Variants in ADAMTS20 observed in about 807,000 individuals in gnomAD.
ADAMTS20 encodes the protein ADAM metallopeptidase with thrombospondin type 1 motif 20, also known as A disintegrin and metalloproteinase with thrombospondin motifs 20.
ADAMTS20 carries 225 observed loss-of-function variants against 260.1 expected under a neutral mutation model. The ratio of observed to expected loss-of-function variants is 0.87; its 90% confidence interval spans 0.78 to 0.97. The LOEUF is 0.97. ADAMTS20 is among the 50% of genes least tolerant of loss of function. The pLI is 0.00. For synonymous variants in ADAMTS20, 802 were observed against 769.5 expected, an observed-to-expected ratio of 1.04 and a Z score of -0.70; for missense variants, 2,400 against 2,337.7, an observed-to-expected ratio of 1.03 and a Z score of -0.55.
At chr12:43,495,571 C>T (rs1457049741) in intron 4 of ADAMTS20, among the ~76,000 whole-genome samples, 1 of 152,132 alleles carries the variant, frequency 6.6e-6, no homozygotes, top group Non-Finnish European at 1.5e-5. Flanking sequence ...TTAATTATCA[C>T]AGTATGTCTA....
intron 31 of ADAMTS20, among the ~76,000 whole-genome samples, chr12:43,380,644 T>G (rs874714): frequency 6.6e-6 from 1 of 151,832 alleles, no homozygotes; most frequent in Non-Finnish European, 1.5e-5. Context: ...ATGAAACTAA[T>G]AGAACAATTC....
At chr12:43,459,079 A>G (rs1426781960) in intron 11 of ADAMTS20, among the ~76,000 whole-genome samples, 1 of 152,138 alleles carries the variant, frequency 6.6e-6, no homozygotes, top group Non-Finnish European at 1.5e-5. Context: ...CTCCCTTTGT[A>G]TGGGAGCTCT....
chr12:43,418,270 T>C (rs1325752668), intron 28 of ADAMTS20, among the ~76,000 whole-genome samples: 1 of 152,200 alleles, frequency 6.6e-6, no homozygotes, highest in Non-Finnish European at 1.5e-5. Context: ...GAGAACATTT[T>C]GAAATGTTTG....
chr12:43,502,668 A>G (rs985656443), intron 3 of ADAMTS20, among the ~76,000 whole-genome samples: 50 of 152,122 alleles, frequency 3.3e-4, no homozygotes, highest in Admixed American at 3.2e-3. Flanking sequence ...TCATATTTGA[A>G]AAGGAAGGTA....
intron 2 of ADAMTS20, among the ~76,000 whole-genome samples, chr12:43,543,735 G>A (rs1413550380): frequency 1.3e-5 from 2 of 152,038 alleles, no homozygotes; most frequent in African/African-American, 4.8e-5. Context: ...ACCAATATGG[G>A]TGTTCTTTCT....
chr12:43,529,112 C>T (rs1943186369), intron 3 of ADAMTS20, among the ~76,000 whole-genome samples: 1 of 152,074 alleles, frequency 6.6e-6, no homozygotes, highest in South Asian at 2.1e-4. Flanking sequence ...TACTACCTTG[C>T]TCCTGTAAGA....
In ADAMTS20 at chr12:43,376,519, C is replaced by T. The variant is rs775028110; in HGVS notation, c.5125+5G>A. The T allele has an allele frequency of 1.2e-6, 2 of 1,610,086 alleles. No individual in the cohort carries two copies. The highest frequency in any genetic ancestry group is 1.1e-5 in the South Asian group (1 of 90,272). The stretch of plus-strand genomic sequence containing the variant: ...GGTATTAGATTTTTGAAGTCTACTA[C>T]TTACAGTCATTGGCATAACATTTCT... On this transcript the variant is annotated splice_donor_5th_base_variant and intron_variant, in intron 33 of 38. Coordinates refer to ENST00000389420, the MANE Select transcript of ADAMTS20 (RefSeq NM_025003.5).
chr12:43,363,979 A>C (rs960585640), intron 37 of ADAMTS20, among the ~76,000 whole-genome samples: 3 of 152,214 alleles, frequency 2.0e-5, no homozygotes, highest in African/African-American at 7.2e-5. Context: ...AGAGCTAAGC[A>C]TGATATCAGT....
At chr12:43,428,600 T>G in intron 25 of ADAMTS20, 35 bp downstream of exon 25, 1 of 1,473,226 alleles carries the variant, frequency 6.8e-7, no homozygotes, top group South Asian at 1.5e-5. Flanking sequence ...ATATTTAAAT[T>G]TTTCATTTTC....
At chr12:43,481,129 C>T (rs2137412785) in intron 7 of ADAMTS20, among the ~76,000 whole-genome samples, 1 of 152,108 alleles carries the variant, frequency 6.6e-6, no homozygotes, top group African/African-American at 2.4e-5. Context: ...TGGAATTCAC[C>T]AGATTAACCC....
chr12:43,427,618 A>G (rs1230606489), intron 26 of ADAMTS20, 149 bp from the exon 27 acceptor site: 2 of 758,900 alleles, frequency 2.6e-6, no homozygotes, highest in Non-Finnish European at 3.8e-6. Context: ...GAATTGAGAA[A>G]ATCTATCAAA....
chr12:43,368,348 C>G (rs1940032292), intron 37 of ADAMTS20, among the ~76,000 whole-genome samples: 1 of 152,024 alleles, frequency 6.6e-6, no homozygotes, highest in South Asian at 2.1e-4. Context: ...TGTAACATCA[C>G]CACTTTCCGT....
intron 4 of ADAMTS20, among the ~76,000 whole-genome samples, chr12:43,501,481 G>GCGCGCGCACACACACACA (rs373746834): frequency 8.5e-5 from 10 of 117,856 alleles, no homozygotes; most frequent in South Asian, 3.1e-4. Flanking sequence ...GCGCGCGCGC[G>GCGCGCGCACACACACACA]CACACACACA....
At chr12:43,441,203 C>T (rs943187970) in intron 16 of ADAMTS20, among the ~76,000 whole-genome samples, 2 of 152,070 alleles carry the variant, frequency 1.3e-5, no homozygotes, top group African/African-American at 4.8e-5. Flanking sequence ...TGGGTATCTG[C>T]TTTTCAGAAT....
At chr12:43,459,932 A>G (rs1022669994) in intron 11 of ADAMTS20, among the ~76,000 whole-genome samples, 1 of 152,252 alleles carries the variant, frequency 6.6e-6, no homozygotes, top group Admixed American at 6.5e-5. Flanking sequence ...AAATTAACTC[A>G]TTATCAGAAG....
chr12:43,480,176 T>A (rs1387849106), intron 7 of ADAMTS20, among the ~76,000 whole-genome samples: 1 of 152,004 alleles, frequency 6.6e-6, no homozygotes, highest in Non-Finnish European at 1.5e-5. Context: ...GGGGAAAAAA[T>A]AATACACCTT....
chr12:43,511,982 T>C (rs1057299553), intron 3 of ADAMTS20, among the ~76,000 whole-genome samples: 1 of 152,060 alleles, frequency 6.6e-6, no homozygotes, highest in African/African-American at 2.4e-5. Context: ...ATTTAAATTG[T>C]TTTCTGGATC....
chr12:43,471,291 G>A (rs1311439743), intron 7 of ADAMTS20, among the ~76,000 whole-genome samples: 4 of 151,942 alleles, frequency 2.6e-5, no homozygotes, highest in Admixed American at 2.0e-4. Context: ...CTTAAAACAC[G>A]GCGCACCACG....
chr12:43,497,575 A>C (rs1242404041), intron 4 of ADAMTS20, among the ~76,000 whole-genome samples: 1 of 152,144 alleles, frequency 6.6e-6, no homozygotes, highest in East Asian at 1.9e-4. Context: ...AAGAATATGC[A>C]GAGCACTAAA....
Sources: allele counts gnomAD v4.1 joint callset (sites outside exome capture counted in the v4.1 genomes callset), GRCh38; gene constraint gnomAD v4.1.1; transcripts MANE v1.5; gene names NCBI Gene and HGNC (gene_info 2026-07-23, HGNC 2026-07-21).